Variants in EML4 observed in about 807,000 individuals in gnomAD.
EML4 encodes the protein echinoderm microtubule-associated protein-like 4.
A neutral mutation model predicts 129.0 loss-of-function variants in EML4; 72 were observed. The ratio of observed to expected loss-of-function variants is 0.56; its 90% confidence interval spans 0.46 to 0.68. The LOEUF (loss-of-function observed/expected upper bound fraction) is 0.68. Among genes scored for constraint, EML4 ranks in the 30% least tolerant of loss-of-function variants. EML4 has a pLI of 0.00. For missense variants in EML4, 1,363 were observed against 1,190.6 expected, an observed-to-expected ratio of 1.14 and a Z score of -2.13; for synonymous variants, 532 against 405.0, an observed-to-expected ratio of 1.31 and a Z score of -3.77.
chr2:42,171,432 C>G (rs1251009690), intron 1 of EML4, among the ~76,000 whole-genome samples: 1 of 152,204 alleles, frequency 6.6e-6, no homozygotes, highest in Non-Finnish European at 1.5e-5. Flanking sequence ...GAGTCTTTCT[C>G]ACCAGTTGGG....
Position 42,306,148 on chromosome 2 carries a change from A to G in EML4, c.1967+1597A>G, listed in dbSNP as rs138938758. Among the ~76,000 whole-genome samples, 259 of 152,320 alleles carry G rather than the reference A, an allele frequency of 1.7e-3. 1 individual carries two copies. Among genetic ancestry groups the G allele is most frequent in the African/African-American group, 6.0e-3 (248 of 41,568 alleles). On this transcript the variant is annotated intron_variant, in intron 17 of 22. Transcript: ENST00000318522. Reference sequence around the variant, plus strand: ...AGAAGGCTAGCTCAGATCTTCCCCAAAACACGTAAGTAATAGATCATGATG... The same window carrying G: ...AGAAGGCTAGCTCAGATCTTCCCCAGAACACGTAAGTAATAGATCATGATG...
intron 8 of EML4, 62 bp downstream of exon 8, chr2:42,283,034 A>C: frequency 2.1e-6 from 3 of 1,454,190 alleles, no homozygotes; most frequent in Non-Finnish European, 1.9e-6. Context: ...GTATTTTTTA[A>C]ATTTGGGTTT....
chr2:42,215,218 C>T (rs916201962), intron 1 of EML4, among the ~76,000 whole-genome samples: 1 of 152,130 alleles, frequency 6.6e-6, no homozygotes, highest in African/African-American at 2.4e-5. Context: ...CACCACCACG[C>T]CTGGCTAACT....
Position 42,218,046 on chromosome 2 carries a change from A to T in EML4, c.26-27459A>T, listed in dbSNP as rs1266539349. The stretch of plus-strand genomic sequence containing the variant: ...GGGTCCCCAACCCTCCGGGCCACAG[A>T]CTGGTAGGAACTGGGTCACACAGCA... On this transcript the variant is annotated intron_variant, in intron 1 of 22. Coordinates refer to ENST00000318522, the MANE Select transcript of EML4 (RefSeq NM_019063.5). Among the ~76,000 whole-genome samples, 3 of 152,268 alleles carry T rather than the reference A, an allele frequency of 2.0e-5. No individual in the cohort carries two copies. The East Asian group carries it at 5.8e-4, about 29-fold the overall frequency.
At chr2:42,309,985 A>G (rs1196052643) in intron 17 of EML4, among the ~76,000 whole-genome samples, 1 of 152,190 alleles carries the variant, frequency 6.6e-6, no homozygotes, top group Non-Finnish European at 1.5e-5. Context: ...TAGGTCTCCA[A>G]TTCGTCTTGA....
At chr2:42,206,248 C>G (rs1293366029) in intron 1 of EML4, among the ~76,000 whole-genome samples, 2 of 152,158 alleles carry the variant, frequency 1.3e-5, no homozygotes, top group Non-Finnish European at 1.5e-5. Flanking sequence ...GGGTCTCACT[C>G]TGTCACCTAG....
intron 6 of EML4, 107 bp downstream of exon 6, chr2:42,264,838 C>G (rs549199840): frequency 9.0e-6 from 13 of 1,443,468 alleles, no homozygotes; most frequent in Non-Finnish European, 1.1e-5. Flanking sequence ...TCATAGTAAT[C>G]AAAGAAAAGT....
Position 42,295,406 on chromosome 2 carries a change from A to G in EML4, c.1379A>G (p.Gln460Arg). The part of the protein sequence containing the change: ...FGKYEKPKFV[Q>R]CLAFLGNGDV... ...AAATATGAAAAGCCAAAATTTGTGC[A>G]GTGTTTAGCATTCTTGGGGAATGGA... The change falls in exon 13 of 23, where the codon CAG becomes CGG. Residue 460 changes from glutamine to arginine, a missense_variant. Physicochemically the swap from Gln to Arg is conservative, Grantham distance 43 (BLOSUM62 1). Coordinates refer to ENST00000318522, the MANE Select transcript of EML4 (RefSeq NM_019063.5). 1 of 1,612,908 alleles carries G rather than the reference A, an allele frequency of 6.2e-7. No individual in the cohort carries two copies. Among genetic ancestry groups the G allele is most frequent in the Non-Finnish European group, 8.5e-7 (1 of 1,179,740 alleles).
At chr2:42,280,818 T>G in intron 6 of EML4, 32 bp from the exon 7 acceptor site, 5 of 1,567,348 alleles carry the variant, frequency 3.2e-6, no homozygotes, top group Non-Finnish European at 4.3e-6. Context: ...AGAAAATACG[T>G]ATGACTTAAC....
In EML4 at chr2:42,208,315, G is replaced by C. The variant is rs78529620; in HGVS notation, c.26-37190G>C. Among the ~76,000 whole-genome samples the C allele has an allele frequency of 1.7e-3, 254 of 151,660 alleles. 3 individuals carry two copies. In the East Asian group the frequency reaches 0.044, roughly 26 times the overall value. On this transcript the variant is annotated intron_variant, in intron 1 of 22. Transcript: ENST00000318522. The stretch of plus-strand genomic sequence containing the variant: ...TCATTTAGAACCAGATTTTTTTAAA[G>C]TTCTGATTTTGTATATATAATCAAA...
chr2:42,221,833 A>T (rs1220604421), intron 1 of EML4, among the ~76,000 whole-genome samples: 1 of 151,784 alleles, frequency 6.6e-6, no homozygotes. Flanking sequence ...CGAACTCCTG[A>T]CCTCAGGTGA....
chr2:42,317,334 T>G, intron 18 of EML4, 93 bp from the exon 19 acceptor site: 1 of 814,072 alleles, frequency 1.2e-6, no homozygotes, highest in Non-Finnish European at 2.0e-6. Context: ...GTTAAATTGA[T>G]GAGATTTAAC....
intron 1 of EML4, among the ~76,000 whole-genome samples, chr2:42,232,705 A>G (rs1674422109): frequency 2.0e-5 from 3 of 151,838 alleles, no homozygotes; most frequent in Admixed American, 6.6e-5. Context: ...ACTTTTCTGT[A>G]AAGGCCTTTT....
At chr2:42,304,630 T>C in intron 17 of EML4, 79 bp downstream of exon 17, 1 of 1,077,104 alleles carries the variant, frequency 9.3e-7, no homozygotes, top group Non-Finnish European at 1.4e-6. Flanking sequence ...CAATCTGATC[T>C]GGAGAATTAA....
intron 1 of EML4, among the ~76,000 whole-genome samples, chr2:42,179,745 G>C (rs781164094): frequency 3.9e-5 from 6 of 152,158 alleles, no homozygotes; most frequent in African/African-American, 7.2e-5. Flanking sequence ...TGGGATTACA[G>C]GCACATGCCA....
intron 1 of EML4, among the ~76,000 whole-genome samples, chr2:42,238,646 C>T (rs2104255350): frequency 6.6e-6 from 1 of 151,960 alleles, no homozygotes; most frequent in Middle Eastern, 3.4e-3. Flanking sequence ...GCAATAGGGT[C>T]TTACTCTTTT....
At chr2:42,306,080 A>G (rs1389459464) in intron 17 of EML4, among the ~76,000 whole-genome samples, 1 of 152,206 alleles carries the variant, frequency 6.6e-6, no homozygotes, top group African/African-American at 2.4e-5. Flanking sequence ...AATTTTTAGA[A>G]TTAGGCTGCT....
At chr2:42,185,587 G>A (rs1011148184) in intron 1 of EML4, among the ~76,000 whole-genome samples, 3 of 152,276 alleles carry the variant, frequency 2.0e-5, no homozygotes, top group African/African-American at 7.2e-5. Flanking sequence ...ATAGCATGGG[G>A]TCATTGGGGA....
At chr2:42,172,186 G>A (rs1670322382) in intron 1 of EML4, among the ~76,000 whole-genome samples, 2 of 151,872 alleles carry the variant, frequency 1.3e-5, no homozygotes, top group Admixed American at 1.3e-4. Flanking sequence ...CTTGAAAAAT[G>A]GTGAAAAAAC....
Sources: allele counts gnomAD v4.1 joint callset (sites outside exome capture counted in the v4.1 genomes callset), GRCh38; gene constraint gnomAD v4.1.1; transcripts MANE v1.5; gene names NCBI Gene and HGNC (gene_info 2026-07-23, HGNC 2026-07-21).